Variants in KATNIP observed in about 807,000 individuals in gnomAD.
The protein encoded by KATNIP is katanin interacting protein.
A neutral mutation model predicts 174.0 loss-of-function variants in KATNIP; 126 were observed. That is an observed-to-expected ratio of 0.72 (90% CI 0.63 to 0.84). The LOEUF (loss-of-function observed/expected upper bound fraction) is 0.84, where lower values mean the gene tolerates loss of function less well. Ranked by LOEUF, KATNIP falls within the 40% of genes least tolerant of loss-of-function variation. KATNIP has a pLI of 0.00. For missense variants in KATNIP, 1,958 were observed against 2,109.7 expected (o/e 0.93, Z 1.41); for synonymous variants, 810 against 835.7 (o/e 0.97, Z 0.53).
intron 2 of KATNIP, among the ~76,000 whole-genome samples, chr16:27,604,353 C>G (rs975950835): frequency 3.9e-5 from 6 of 152,156 alleles, no homozygotes; most frequent in Non-Finnish European, 5.9e-5. Context: ...CCCAACTCAG[C>G]CTGTGAAGTA....
chr16:27,697,453 TAA>T (rs973247842), intron 8 of KATNIP, among the ~76,000 whole-genome samples: 5 of 152,164 alleles, frequency 3.3e-5, no homozygotes, highest in African/African-American at 1.2e-4. Context: ...CATGTCTTGA[TAA>T]AATTTTAAAC....
chr16:27,732,161 G>A (rs1457583362), intron 14 of KATNIP, among the ~76,000 whole-genome samples: 1 of 152,224 alleles, frequency 6.6e-6, no homozygotes, highest in African/African-American at 2.4e-5. Context: ...AGGACCACCA[G>A]TGTGTGAACT....
intron 1 of KATNIP, among the ~76,000 whole-genome samples, chr16:27,556,234 C>G (rs2089623447): frequency 6.6e-6 from 1 of 152,126 alleles, no homozygotes. Flanking sequence ...TGATGAAGCT[C>G]TCTAGCAGAT....
At chr16:27,727,980 A>G (rs1271568922) in intron 14 of KATNIP, 1 of 152,240 alleles carries the variant, frequency 6.6e-6, no homozygotes, top group African/African-American at 2.4e-5. Flanking sequence ...AACATTCCTA[A>G]TTCTCTCAAA....
chr16:27,656,919 CTAAAACTT>C (rs1035312738), intron 6 of KATNIP, among the ~76,000 whole-genome samples: 2 of 148,858 alleles, frequency 1.3e-5, no homozygotes, highest in African/African-American at 5.0e-5. Context: ...CACATGTACC[CTAAAACTT>C]AAAGTATAAA....
At chr16:27,728,341 C>T (rs893346111) in intron 14 of KATNIP, among the ~76,000 whole-genome samples, 2 of 152,206 alleles carry the variant, frequency 1.3e-5, no homozygotes, top group African/African-American at 4.8e-5. Context: ...GGTACAGGCA[C>T]GGTAGCCATG....
chr16:27,596,772 C>G (rs2075349076), intron 2 of KATNIP, among the ~76,000 whole-genome samples: 1 of 152,206 alleles, frequency 6.6e-6, no homozygotes, highest in Non-Finnish European at 1.5e-5. Flanking sequence ...CCTGTAATCT[C>G]AGCACTTTGG....
chr16:27,582,790 T>G (rs1345996822), intron 2 of KATNIP, among the ~76,000 whole-genome samples: 1 of 152,182 alleles, frequency 6.6e-6, no homozygotes, highest in African/African-American at 2.4e-5. Context: ...TGTCAAGTGC[T>G]TAGGATGGAA....
At chr16:27,642,763 T>A (rs201560689) in intron 5 of KATNIP, among the ~76,000 whole-genome samples, 4,016 of 140,594 alleles carry the variant, frequency 0.029, 80 homozygotes, top group East Asian at 0.11. Flanking sequence ...TTTTAATTTT[T>A]AAAAAATTTT....
At chr16:27,684,206 A>AT (rs1386471538) in intron 8 of KATNIP, among the ~76,000 whole-genome samples, 11 of 152,320 alleles carry the variant, frequency 7.2e-5, no homozygotes, top group Non-Finnish European at 1.0e-4. Context: ...TACTGCTATT[A>AT]TCAATATTAT....
At chr16:27,648,867 T>G in intron 6 of KATNIP, 132 bp downstream of exon 6, 1 of 1,089,928 alleles carries the variant, frequency 9.2e-7, no homozygotes, top group South Asian at 1.6e-5. Context: ...CCTTCACTCT[T>G]GCGTTCATTT....
chr16:27,774,813 G>C (rs2082433523), intron 23 of KATNIP, 132 bp from the exon 24 acceptor site: 1 of 1,039,284 alleles, frequency 9.6e-7, no homozygotes, highest in African/African-American at 1.6e-5. Context: ...CAATTCAGCT[G>C]TCACTGCTGC....
chr16:27,726,704 G>A (rs1041890347), intron 14 of KATNIP, among the ~76,000 whole-genome samples: 1 of 152,246 alleles, frequency 6.6e-6, no homozygotes, highest in African/African-American at 2.4e-5. Flanking sequence ...GGAGGAGGCT[G>A]GGCTGCTTGG....
chr16:27,731,336 A>G (rs562365544), intron 14 of KATNIP, among the ~76,000 whole-genome samples: 37 of 152,298 alleles, frequency 2.4e-4, no homozygotes, highest in African/African-American at 8.2e-4. Flanking sequence ...GCCAACCTTG[A>G]GCAGCCAGCC....
chr16:27,611,462 T>G (rs557383708), intron 2 of KATNIP, among the ~76,000 whole-genome samples: 12 of 152,306 alleles, frequency 7.9e-5, no homozygotes, highest in African/African-American at 2.9e-4. Context: ...TGGCACATAG[T>G]AAGTGCTAAG....
chr16:27,719,600 C>G (rs938520298), intron 13 of KATNIP, among the ~76,000 whole-genome samples: 2 of 151,690 alleles, frequency 1.3e-5, no homozygotes, highest in Non-Finnish European at 2.9e-5. Flanking sequence ...AGGCTGGTCT[C>G]GAACTCCTGA....
intron 2 of KATNIP, among the ~76,000 whole-genome samples, chr16:27,581,503 C>G (rs4787431): frequency 0.82 from 124,138 of 152,190 alleles, 51,059 homozygotes; most frequent in East Asian, 1. Context: ...AGTGACCACT[C>G]CTATAGTTCC....
chr16:27,771,991 G>C lies in KATNIP; in HGVS notation c.4198+339G>C, dbSNP rs77431555. 3.3e-3 allele frequency among the ~76,000 whole-genome samples: 503 copies of C among 152,242 alleles called. 6 individuals are homozygous for C. The highest frequency in any genetic ancestry group is 0.012 in the African/African-American group (485 of 41,518). On this transcript the variant is annotated intron_variant, in intron 22 of 27. Coordinates refer to ENST00000261588, the MANE Select transcript of KATNIP (RefSeq NM_015202.5). The stretch of plus-strand genomic sequence containing the variant: ...GAGGAGGTGAAGATAGAAATAACTT[G>C]GCAATCCAGGCACAATAGCTCACAC...
intron 14 of KATNIP, among the ~76,000 whole-genome samples, chr16:27,722,832 C>G (rs1482856320): frequency 6.6e-6 from 1 of 152,242 alleles, no homozygotes. Context: ...AGCTGGATAT[C>G]TGAGTTTTGA....
Sources: gnomAD v4.1 joint callset for allele counts (sites outside exome capture counted in the v4.1 genomes callset) on GRCh38, gnomAD v4.1.1 for gene constraint, MANE v1.5 for transcripts, NCBI Gene and HGNC (gene_info 2026-07-23, HGNC 2026-07-21) for gene names.